Variants in F10 observed in about 807,000 individuals in gnomAD.
The protein encoded by F10 is Stuart-Prower factor.
A neutral mutation model predicts 37.1 loss-of-function variants in F10; 29 were observed. The ratio of observed to expected loss-of-function variants is 0.78; its 90% confidence interval spans 0.58 to 1.07. The LOEUF is 1.07. Ranked by LOEUF, F10 falls within the 50% of genes least tolerant of loss-of-function variation. The pLI is 0.00. For synonymous variants in F10, 262 were observed against 268.6 expected, an observed-to-expected ratio of 0.98 and a Z score of 0.24; for missense variants, 539 against 667.9, an observed-to-expected ratio of 0.81 and a Z score of 2.13.
intron 2 of F10, among the ~76,000 whole-genome samples, chr13:113,133,564 T>C (rs550885932): frequency 2.0e-5 from 3 of 152,282 alleles, no homozygotes; most frequent in Admixed American, 2.0e-4. Flanking sequence ...AAAAGTAATG[T>C]TCAGGTACAG....
intron 5 of F10, among the ~76,000 whole-genome samples, chr13:113,142,163 T>C (rs1179895613): frequency 6.6e-6 from 1 of 152,238 alleles, no homozygotes; most frequent in Non-Finnish European, 1.5e-5. Context: ...AAGCTTAAGC[T>C]GGTTAAAAAA....
At position 113,144,144 on chromosome 13, in the gene F10, G is replaced by A. The variant is rs373102818; in HGVS notation, c.747+49G>A. 58 of 1,611,008 alleles carry A rather than the reference G, an allele frequency of 3.6e-5. No homozygotes were observed. In the Middle Eastern group the frequency reaches 5.0e-4, roughly 14 times the overall value. Reference sequence around the variant, plus strand: ...GCCTGCTGGAGAGACCACCTGTCCCGCTGTGCACCTCGGGGAGGCCAGCCT... The same window carrying A: ...GCCTGCTGGAGAGACCACCTGTCCCACTGTGCACCTCGGGGAGGCCAGCCT... On this transcript the variant is annotated intron_variant, in intron 6 of 7. Transcript: ENST00000375559. The surrounding 1 kb of genome is among the most constrained non-coding windows in gnomAD (Gnocchi z 6.4).
intron 1 of F10, 77 bp downstream of exon 1, chr13:113,123,002 A>C: frequency 1.4e-5 from 21 of 1,498,128 alleles, no homozygotes; most frequent in African/African-American, 2.8e-5. Flanking sequence ...AAACCCTCTC[A>C]TCTCTGCAGC....
chr13:113,141,079 C>T lies in F10; in HGVS notation c.502+29C>T, dbSNP rs1414873172. The stretch of plus-strand genomic sequence containing the variant: ...GGAGGCACGTTGGGCCACAGCCACC[C>T]GCTGCCGCTGGGCCGGGCCAGGGAG... On this transcript the variant is annotated intron_variant, in intron 5 of 7. Coordinates refer to ENST00000375559, the MANE Select transcript of F10 (RefSeq NM_000504.4). This position sits in a 1 kb window ranked among gnomAD's most constrained non-coding sequence, Gnocchi z 5.4. The T allele has an allele frequency of 3.7e-5, 60 of 1,611,704 alleles. No homozygotes were observed. The highest frequency in any genetic ancestry group is 4.5e-5 in the East Asian group (2 of 44,856).
chr13:113,124,841 G>A (rs931024571), intron 1 of F10, among the ~76,000 whole-genome samples: 5 of 152,234 alleles, frequency 3.3e-5, no homozygotes, highest in African/African-American at 7.2e-5. Context: ...AGGCGTCAGC[G>A]GGGCTGGTTC....
intron 4 of F10, among the ~76,000 whole-genome samples, chr13:113,140,282 C>T (rs955053045): frequency 3.3e-5 from 5 of 151,672 alleles, no homozygotes; most frequent in Non-Finnish European, 4.4e-5. Flanking sequence ...GGGGTTTCAC[C>T]GTGTTAGCCA....
chr13:113,147,744 G>T (rs2036595422), intron 7 of F10, among the ~76,000 whole-genome samples: 1 of 152,148 alleles, frequency 6.6e-6, no homozygotes, highest in Non-Finnish European at 1.5e-5. Flanking sequence ...CAGGTCTCGG[G>T]TCTCCGAGTC....
Position 113,146,261 on chromosome 13 carries a change from G to A in F10, c.748-1118G>A, listed in dbSNP as rs190104772. ...ACCAATACACAGAAATCTCAACCTA[G>A]TTAGGGAGCTGAGACCGAAATCCTC... On this transcript the variant is annotated intron_variant, in intron 6 of 7. Coordinates refer to ENST00000375559, the MANE Select transcript of F10 (RefSeq NM_000504.4). This position sits in a 1 kb window ranked among gnomAD's most constrained non-coding sequence, Gnocchi z 4.5. Among the ~76,000 whole-genome samples, 96 of 152,328 alleles carry A rather than the reference G, an allele frequency of 6.3e-4. 3 individuals carry two copies. The East Asian group carries it at 0.018, about 28-fold the overall frequency.
intron 1 of F10, among the ~76,000 whole-genome samples, chr13:113,129,062 A>G (rs2036399062): frequency 6.6e-6 from 1 of 152,138 alleles, no homozygotes; most frequent in African/African-American, 2.4e-5. Context: ...AGGGCCTGCT[A>G]TATGTCATGT....
At chr13:113,123,934 C>T (rs1197286881) in intron 1 of F10, among the ~76,000 whole-genome samples, 1 of 152,200 alleles carries the variant, frequency 6.6e-6, no homozygotes, top group African/African-American at 2.4e-5. Context: ...AGCCTTCTTC[C>T]TCCCCCTCAG....
chr13:113,145,720 C>T (rs940579543), intron 6 of F10, among the ~76,000 whole-genome samples: 1 of 152,184 alleles, frequency 6.6e-6, no homozygotes, highest in Admixed American at 6.5e-5. Context: ...TACATGGCGG[C>T]AGCAAGACAG....
chr13:113,129,710 G>A, intron 2 of F10, 98 bp downstream of exon 2: 2 of 1,529,730 alleles, frequency 1.3e-6, no homozygotes, highest in Non-Finnish European at 9.0e-7. Flanking sequence ...CGGCCTGGAG[G>A]AAGGGGCAGC....
intron 1 of F10, among the ~76,000 whole-genome samples, chr13:113,123,408 C>T (rs112819181): frequency 6.6e-6 from 1 of 152,172 alleles, no homozygotes; most frequent in Non-Finnish European, 1.5e-5. Context: ...CGGACTGGCT[C>T]CGTCGGGGAA....
chr13:113,145,697 G>T (rs924961579), intron 6 of F10, among the ~76,000 whole-genome samples: 1 of 152,180 alleles, frequency 6.6e-6, no homozygotes, highest in African/African-American at 2.4e-5. Flanking sequence ...GGTGGAAGGC[G>T]CAAGGCACGT....
rs901492772 is a variant in F10 at position 113,143,024 on chromosome 13, G to A, written c.503-827G>A. On this transcript the variant is annotated intron_variant, in intron 5 of 7. Coordinates refer to ENST00000375559, the MANE Select transcript of F10 (RefSeq NM_000504.4). The surrounding 1 kb of genome is among the most constrained non-coding windows in gnomAD (Gnocchi z 6.8). Reference sequence around the variant, plus strand: ...CACATGGACAGAGCTGAGGCACGGCGGGGTGGAGGCCCCTGCGGCTGGCAG... The same window carrying A: ...CACATGGACAGAGCTGAGGCACGGCAGGGTGGAGGCCCCTGCGGCTGGCAG... Among the ~76,000 whole-genome samples, 10 of 152,196 alleles carry A rather than the reference G, an allele frequency of 6.6e-5. 1 individual carries two copies. In the South Asian group the frequency reaches 1.0e-3, roughly 16 times the overall value.
intron 2 of F10, 68 bp downstream of exon 2, chr13:113,129,680 G>A: frequency 1.2e-6 from 2 of 1,600,198 alleles, no homozygotes; most frequent in South Asian, 1.1e-5. Flanking sequence ...TGGCCCCGCT[G>A]CTCCGTCCAT....
intron 2 of F10, 42 bp downstream of exon 2, chr13:113,129,654 G>A (rs749279502): frequency 6.2e-7 from 1 of 1,612,744 alleles, no homozygotes; most frequent in Non-Finnish European, 8.5e-7. Context: ...AGGAGCTCAG[G>A]CCACAGCGCC....
At chr13:113,142,802 C>G (rs965777274) in intron 5 of F10, among the ~76,000 whole-genome samples, 6 of 151,784 alleles carry the variant, frequency 4.0e-5, no homozygotes, top group Non-Finnish European at 7.4e-5. Flanking sequence ...CGTGGTGGCG[C>G]ACGCCTGTAA....
intron 2 of F10, chr13:113,131,661 T>G (rs1302672933): frequency 1.3e-5 from 2 of 152,246 alleles, no homozygotes; most frequent in Non-Finnish European, 2.9e-5. Flanking sequence ...TGAAAGTGAC[T>G]TACATCAGTC....
Sources: gnomAD v4.1 joint callset for allele counts (sites outside exome capture counted in the v4.1 genomes callset) on GRCh38, gnomAD v4.1.1 for gene constraint, Gnocchi (gnomAD v3.1) non-coding constraint, MANE v1.5 for transcripts, NCBI Gene and HGNC (gene_info 2026-07-23, HGNC 2026-07-21) for gene names.